The following DLG2 variants were observed in gnomAD, a reference collection of about 807,000 sequenced individuals.
DLG2 encodes the protein disks large homolog 2.
DLG2 carries 45 observed loss-of-function variants against 132.5 expected under a neutral mutation model. The ratio of observed to expected loss-of-function variants is 0.34; its 90% CI spans 0.27 to 0.44. DLG2 has a LOEUF of 0.44. Ranked by LOEUF, DLG2 falls within the 20% of genes least tolerant of loss-of-function variation. The pLI is 1.00. For synonymous variants in DLG2, 424 were observed against 419.6 expected (o/e 1.01, Z -0.13); for missense variants, 1,045 against 1,196.9 (o/e 0.87, Z 1.87).
chr11:84,486,647 G>A (rs2099151688), intron 7 of DLG2, among the ~76,000 whole-genome samples: 2 of 151,972 alleles, frequency 1.3e-5, no homozygotes, highest in Admixed American at 1.3e-4. Flanking sequence ...AAAGTCTTTC[G>A]AGCAAATGCA....
At chr11:85,217,517 A>C (rs2082701322) in intron 4 of DLG2, among the ~76,000 whole-genome samples, 1 of 152,208 alleles carries the variant, frequency 6.6e-6, no homozygotes, top group Admixed American at 6.5e-5. Flanking sequence ...CACCAGAGTC[A>C]AGATAACTTT....
At chr11:84,401,413 G>A (rs1400841811) in intron 7 of DLG2, among the ~76,000 whole-genome samples, 1 of 152,010 alleles carries the variant, frequency 6.6e-6, no homozygotes, top group African/African-American at 2.4e-5. Flanking sequence ...TCTCTTCAAT[G>A]CGGACAAGGG....
intron 18 of DLG2, among the ~76,000 whole-genome samples, chr11:83,660,840 C>G (rs555612492): frequency 1.3e-5 from 2 of 152,124 alleles, no homozygotes; most frequent in South Asian, 4.2e-4. Flanking sequence ...CCATCTTGGT[C>G]TCCCTCCTTC....
intron 4 of DLG2, among the ~76,000 whole-genome samples, chr11:85,243,481 T>C (rs972269104): frequency 3.9e-5 from 6 of 152,024 alleles, no homozygotes; most frequent in African/African-American, 1.4e-4. Context: ...AAGTTTTTGC[T>C]ATGACTACAA....
At chr11:83,928,281 T>C (rs1350327402) in intron 15 of DLG2, among the ~76,000 whole-genome samples, 1 of 152,118 alleles carries the variant, frequency 6.6e-6, no homozygotes, top group East Asian at 1.9e-4. Flanking sequence ...AACATTGTAC[T>C]ATAATGTTTT....
At chr11:84,245,210 C>T (rs576117847) in intron 8 of DLG2, among the ~76,000 whole-genome samples, 267 of 152,296 alleles carry the variant, frequency 1.8e-3, no homozygotes, top group Non-Finnish European at 3.1e-3. Context: ...TTGTCACTGA[C>T]ACTCATGTGT....
intron 6 of DLG2, among the ~76,000 whole-genome samples, chr11:85,030,105 G>C (rs147892312): frequency 6.6e-6 from 1 of 152,154 alleles, no homozygotes; most frequent in Non-Finnish European, 1.5e-5. Context: ...TGCCCACTTC[G>C]CAAATACTTC....
At chr11:84,553,059 A>C (rs565601353) in intron 6 of DLG2, among the ~76,000 whole-genome samples, 9 of 152,074 alleles carry the variant, frequency 5.9e-5, no homozygotes, top group African/African-American at 2.2e-4. Context: ...TTCCTGTCTC[A>C]TGCTTTTCCT....
intron 18 of DLG2, among the ~76,000 whole-genome samples, chr11:83,679,649 T>C (rs968281802): frequency 3.9e-5 from 6 of 152,208 alleles, no homozygotes; most frequent in African/African-American, 1.4e-4. Context: ...TCTTTCAAAA[T>C]CAACATCTAT....
rs561776180 is a variant in DLG2, at chr11:84,978,888, T to C, written c.357+132773A>G. On this transcript the variant is annotated intron_variant, in intron 6 of 27. Transcript: ENST00000376104. Reference sequence around the variant, plus strand: ...CAGAGTGAACAGGCAACCTACAGAATGGGGGAAAATTTTTGCAATCTACTC... The same window carrying C: ...CAGAGTGAACAGGCAACCTACAGAACGGGGGAAAATTTTTGCAATCTACTC... Among the ~76,000 whole-genome samples, 28 of 152,028 alleles carry C rather than the reference T, an allele frequency of 1.8e-4. 2 individuals carry two copies. The highest frequency in any genetic ancestry group is 6.8e-4 in the African/African-American group (28 of 41,450).
chr11:84,867,766 C>G (rs2084811073), intron 6 of DLG2, among the ~76,000 whole-genome samples: 1 of 152,110 alleles, frequency 6.6e-6, no homozygotes, highest in Non-Finnish European at 1.5e-5. Flanking sequence ...ACAAAATTGT[C>G]AGGACCTTGT....
chr11:85,576,062 C>T (rs2078139332), intron 3 of DLG2, among the ~76,000 whole-genome samples: 1 of 152,004 alleles, frequency 6.6e-6, no homozygotes, highest in Admixed American at 6.6e-5. Context: ...GTCAAGAATT[C>T]TAAAAGAAAA....
intron 11 of DLG2, among the ~76,000 whole-genome samples, chr11:84,056,493 A>G (rs999086181): frequency 6.6e-6 from 1 of 152,168 alleles, no homozygotes; most frequent in African/African-American, 2.4e-5. Flanking sequence ...GTTGACTTCA[A>G]GTGCATCTCT....
intron 19 of DLG2, among the ~76,000 whole-genome samples, chr11:83,605,681 C>G (rs1217971809): frequency 6.6e-6 from 1 of 152,202 alleles, no homozygotes; most frequent in Non-Finnish European, 1.5e-5. Flanking sequence ...AAAGGTGCAG[C>G]TGCTTCCTGC....
chr11:84,777,616 T>C (rs1454278648), intron 6 of DLG2, among the ~76,000 whole-genome samples: 3 of 151,684 alleles, frequency 2.0e-5, no homozygotes, highest in African/African-American at 4.8e-5. Context: ...ACATTTGTTA[T>C]TTTATTTATT....
chr11:83,945,612 G>A (rs1205788078), intron 14 of DLG2, among the ~76,000 whole-genome samples: 2 of 152,108 alleles, frequency 1.3e-5, no homozygotes, highest in African/African-American at 4.8e-5. Context: ...ATAGAGTGAA[G>A]TGCATATCCG....
At chr11:83,952,223 G>A (rs1799656015) in intron 14 of DLG2, among the ~76,000 whole-genome samples, 1 of 152,100 alleles carries the variant, frequency 6.6e-6, no homozygotes, top group South Asian at 2.1e-4. Flanking sequence ...GCATATGCCT[G>A]CTATCCCAAC....
intron 9 of DLG2, among the ~76,000 whole-genome samples, chr11:84,100,696 G>A (rs561664588): frequency 1.3e-5 from 2 of 151,402 alleles, no homozygotes; most frequent in Non-Finnish European, 1.5e-5. Context: ...TTCCACTCTT[G>A]GGTAAAAAGA....
At chr11:84,673,915 GGCTT>G (rs2099708698) in intron 6 of DLG2, among the ~76,000 whole-genome samples, 1 of 152,070 alleles carries the variant, frequency 6.6e-6, no homozygotes, top group Admixed American at 6.6e-5. Context: ...TGCAAATGCT[GGCTT>G]GCTGTCTTCT....
Sources: gnomAD v4.1 joint callset for allele counts (sites outside exome capture counted in the v4.1 genomes callset) on GRCh38, gnomAD v4.1.1 for gene constraint, MANE v1.5 for transcripts, NCBI Gene and HGNC (gene_info 2026-07-23, HGNC 2026-07-21) for gene names.